RANBP2: variants seen among roughly 807,000 people sequenced by gnomAD.
RANBP2 encodes E3 SUMO-protein ligase RanBP2.
In RANBP2, 57 loss-of-function variants were observed where a neutral mutation model predicts 303.6. The observed-to-expected ratio is 0.19, with a 90% CI of 0.15 to 0.23. The LOEUF is 0.23. Among genes scored for constraint, RANBP2 ranks in the 10% least tolerant of loss-of-function variants. The pLI is 1.00. For synonymous variants in RANBP2, 1,167 were observed against 1,301.5 expected, an observed-to-expected ratio of 0.90 and a Z score of 2.23; for missense variants, 3,138 against 3,780.8, an observed-to-expected ratio of 0.83 and a Z score of 4.46.
the RANBP2 span, among the ~76,000 whole-genome samples, chr2:109,153,774 A>G: frequency 6.6e-6 from 1 of 152,086 alleles, no homozygotes; most frequent in Non-Finnish European, 1.5e-5. Flanking sequence ...AGCCACATTA[A>G]CCACCCCCCG....
chr2:109,102,587 C>T, the RANBP2 span, among the ~76,000 whole-genome samples: 1 of 152,100 alleles, frequency 6.6e-6, no homozygotes, highest in Non-Finnish European at 1.5e-5. Flanking sequence ...ATTTTTCTCC[C>T]TTGACATAAC....
the RANBP2 span, among the ~76,000 whole-genome samples, chr2:109,662,045 C>T: frequency 6.6e-6 from 1 of 152,336 alleles, no homozygotes; most frequent in South Asian, 2.1e-4. Context: ...TCTGTATCTG[C>T]TTGCAGACCA....
At chr2:108,759,702 A>T (rs1172113662) in intron 18 of RANBP2, among the ~76,000 whole-genome samples, 2 of 152,184 alleles carry the variant, frequency 1.3e-5, no homozygotes, top group Non-Finnish European at 2.9e-5. Flanking sequence ...TCTAACGTTC[A>T]AACCTTGTTT....
At position 108,753,929 on chromosome 2, in the gene RANBP2, G is replaced by T. The variant is rs1573777679; in HGVS notation, c.2160G>T (p.Lys720Asn). 1.2e-6 allele frequency: 2 copies of T among 1,611,950 alleles called. No individual in the cohort carries two copies. The highest frequency in any genetic ancestry group is 2.2e-5 in the South Asian group (2 of 90,990). Residue 720 changes from lysine to asparagine, a missense_variant, in exon 15 of 29, where the codon AAG becomes AAT. This residue lies in a region of RANBP2 where 194 missense variants were observed against 197.4 expected (regional missense o/e 0.98). Transcript: ENST00000283195. Reference protein sequence around the residue: ...YLRKTRDYLIKIIDDSDSNLS... With the variant: ...YLRKTRDYLINIIDDSDSNLS... ...GAAAGACCAGGGACTACCTAATAAA[G>T]ATTATAGATGACAGTGATTCAAATC... is the stretch of plus-strand genomic sequence containing the variant.
At chr2:109,674,410 CAAAA>C in the RANBP2 span, among the ~76,000 whole-genome samples, 5 of 75,268 alleles carry the variant, frequency 6.6e-5, no homozygotes, top group East Asian at 4.2e-4. Context: ...CTTGTGTCTC[CAAAA>C]AAAAAAAAAA....
chr2:109,572,609 CTTTTTTTTTTT>C, the RANBP2 span, among the ~76,000 whole-genome samples: 2,550 of 111,338 alleles, frequency 0.023, 90 homozygotes, highest in African/African-American at 0.089. Flanking sequence ...TTTAAAACAA[CTTTTTTTTTTT>C]TTTTTTTTTT....
the RANBP2 span, among the ~76,000 whole-genome samples, chr2:109,364,153 A>G: frequency 6.1e-5 from 9 of 147,068 alleles, no homozygotes; most frequent in East Asian, 1.8e-3. Context: ...TGGATGCTCC[A>G]TTATGGTTTT....
At chr2:109,642,808 T>A in the RANBP2 span, among the ~76,000 whole-genome samples, 1 of 152,186 alleles carries the variant, frequency 6.6e-6, no homozygotes, top group African/African-American at 2.4e-5. Flanking sequence ...GATGACTGAA[T>A]GCTTGGTTCC....
the RANBP2 span, chr2:109,128,771 C>T: frequency 5.4e-6 from 1 of 186,322 alleles, no homozygotes; most frequent in Non-Finnish European, 1.1e-5. Context: ...AGGAAACGTC[C>T]CTCTCTGAGG....
downstream of RANBP2, chr2:108,789,059 T>C: frequency 7.6e-7 from 1 of 1,323,658 alleles, no homozygotes; most frequent in South Asian, 1.3e-5. Flanking sequence ...TGCTCTTTCC[T>C]GAGGACAAGT....
the RANBP2 span, among the ~76,000 whole-genome samples, chr2:109,517,594 A>G: frequency 2.0e-5 from 3 of 152,064 alleles, no homozygotes; most frequent in African/African-American, 7.2e-5. Context: ...CCCTCCTCTC[A>G]TGGCCCCTTC....
the RANBP2 span, among the ~76,000 whole-genome samples, chr2:109,350,557 T>A: frequency 6.6e-6 from 1 of 152,194 alleles, no homozygotes; most frequent in Non-Finnish European, 1.5e-5. Context: ...CCACCCCTGC[T>A]ACCTGTTCTG....
the RANBP2 span, among the ~76,000 whole-genome samples, chr2:109,265,866 G>A: frequency 1.3e-4 from 20 of 152,338 alleles, no homozygotes; most frequent in African/African-American, 4.1e-4. Flanking sequence ...CCACTGAGCT[G>A]GGGCATTGAG....
At chr2:109,568,161 T>C in the RANBP2 span, among the ~76,000 whole-genome samples, 42 of 152,172 alleles carry the variant, frequency 2.8e-4, no homozygotes, top group South Asian at 1.0e-3. Flanking sequence ...AACACTGCCA[T>C]GCCCATTTGC....
At chr2:109,212,582 G>T in the RANBP2 span, among the ~76,000 whole-genome samples, 1 of 152,112 alleles carries the variant, frequency 6.6e-6, no homozygotes, top group Non-Finnish European at 1.5e-5. Context: ...AGGAGAAGTC[G>T]GCTGACCCAC....
At chr2:108,917,519 C>T in the RANBP2 span, among the ~76,000 whole-genome samples, 2 of 152,156 alleles carry the variant, frequency 1.3e-5, no homozygotes, top group Non-Finnish European at 2.9e-5. Context: ...TCACTCTGTA[C>T]CCCATAAACA....
the RANBP2 span, among the ~76,000 whole-genome samples, chr2:109,100,956 A>T: frequency 6.6e-6 from 1 of 152,348 alleles, no homozygotes; most frequent in East Asian, 1.9e-4. Context: ...ATTGAAGAAC[A>T]AAAATCCAAT....
chr2:108,963,423 T>C, the RANBP2 span, among the ~76,000 whole-genome samples: 1 of 152,212 alleles, frequency 6.6e-6, no homozygotes, highest in South Asian at 2.1e-4. Context: ...ACAAGGACAT[T>C]TAAAAAAATT....
Position 108,736,110 on chromosome 2 carries a change from C to G in RANBP2, c.643C>G (p.Leu215Val). ...SCVVQTLKEY[L>V]ESLQCLESDK... ...TGTTCATTCCACAAAATAGGAATAT[C>G]TGGAGTCTTTACAGTGTTTGGAGTC... The change falls in exon 6 of 29, where the codon CTG becomes GTG. Residue 215 changes from leucine to valine, a missense_variant. Leu to Val is a conservative substitution (Grantham distance 32). This residue lies in a region of RANBP2 where 306 missense variants were observed against 381.9 expected (regional missense o/e 0.80). Transcript: ENST00000283195. The G allele has an allele frequency of 6.2e-7, 1 of 1,611,816 alleles. No individual in the cohort carries two copies. The highest frequency in any genetic ancestry group is 1.7e-5 in the Admixed American group (1 of 60,006).
Sources: allele counts gnomAD v4.1 joint callset (sites outside exome capture counted in the v4.1 genomes callset), GRCh38; gene constraint gnomAD v4.1.1; regional missense constraint gnomAD v4.1.1; transcripts MANE v1.5; gene names NCBI Gene and HGNC (gene_info 2026-07-23, HGNC 2026-07-21).